Variants in C19orf33 observed in about 807,000 individuals in gnomAD.
C19orf33 encodes the protein immortalization up-regulated protein.
In C19orf33, 9 loss-of-function variants were observed where a neutral mutation model predicts 9.7. The ratio of observed to expected loss-of-function variants is 0.93; its 90% CI spans 0.56 to 1.61. The LOEUF (loss-of-function observed/expected upper bound fraction) is 1.61. Among genes scored for constraint, C19orf33 ranks in the 40% most tolerant of loss-of-function variants. The pLI is 0.00. For missense variants in C19orf33, 145 were observed against 137.9 expected (o/e 1.05, Z -0.26); for synonymous variants, 61 against 54.8 (o/e 1.11, Z -0.50).
In C19orf33 at chr19:38,304,703, A is replaced by G. The variant is rs762895096; in HGVS notation, c.201+17A>G. ...GATGTGAAGGTAAGGGGCTCTCGCC[A>G]GCGTCCCCAAGCACGTGCCCTGCAC... On this transcript the variant is annotated intron_variant, in intron 3 of 3. Transcript: ENST00000301246. 6.2e-7 allele frequency: 1 copy of G among 1,613,472 alleles called. No homozygotes were observed. The highest frequency in any genetic ancestry group is 8.5e-7 in the Non-Finnish European group (1 of 1,179,962).
In C19orf33 at chr19:38,304,940, C is replaced by G. The variant is rs1568350802; in HGVS notation, c.297C>G (p.Gly99=). 1 of 1,610,810 alleles carries G rather than the reference C, an allele frequency of 6.2e-7. No individual in the cohort carries two copies. Reference sequence around the variant, plus strand: ...AGGAGAAGGGCAAGAAGGAGAAGGGCAAGAAGAAGGAGGCTCCCCACTGAA... The same window carrying G: ...AGGAGAAGGGCAAGAAGGAGAAGGGGAAGAAGAAGGAGGCTCCCCACTGAA... ...KKKEKGKKEK[G]KKKEAPH is the part of the protein sequence containing the mutation. Residue 99 remains glycine (G), a synonymous_variant, in exon 4 of 4, where the codon GGC becomes GGG. Coordinates refer to ENST00000301246, the MANE Select transcript of C19orf33 (RefSeq NM_033520.3).
At position 38,304,409 on chromosome 19, in the gene C19orf33, G is replaced by C; in HGVS notation, c.57G>C (p.Gly19=). The change falls in exon 2 of 4, where the codon GGG becomes GGC. Residue 19 remains glycine (G), a synonymous_variant. Transcript: ENST00000301246. ...CCACCTCCCAGAAGCCCGGTGTGGG[G>C]GCGGGCCACGGGGGAGATCCCAAGC... The part of the protein sequence containing the change: ...LEPTSQKPGV[G]AGHGGDPKLS... 3 of 1,566,708 alleles carry C rather than the reference G, an allele frequency of 1.9e-6. No individual in the cohort carries two copies. Among genetic ancestry groups the C allele is most frequent in the Non-Finnish European group, 2.6e-6 (3 of 1,156,306 alleles).
intron 2 of C19orf33, 25 bp downstream of exon 2, chr19:38,304,515 G>A (rs1413318387): frequency 3.2e-6 from 5 of 1,562,684 alleles, no homozygotes; most frequent in East Asian, 2.4e-5. Flanking sequence ...CACCGGCTGC[G>A]GAGGGGCGGG....
At chr19:38,304,596 G>T in intron 2 of C19orf33, 28 bp from the exon 3 acceptor site, 2 of 1,612,696 alleles carry the variant, frequency 1.2e-6, no homozygotes, top group Non-Finnish European at 1.7e-6. Context: ...GGTAAGGGGC[G>T]CCGCCTCACT....
In C19orf33 at chr19:38,304,658, G is replaced by A. The variant is rs779533389; in HGVS notation, c.173G>A (p.Ser58Asn). 1 of 1,613,708 alleles carries A rather than the reference G, an allele frequency of 6.2e-7. No individual in the cohort carries two copies. Among genetic ancestry groups the A allele is most frequent in the Admixed American group, 1.7e-5 (1 of 60,032 alleles). ...CACAGCTCTTCCGACTCCAGCAGCA[G>A]CTCCAGCGATTCGGACACGGATGTG... ...GHHSSSDSSS[S>N]SSDSDTDVKS... is the part of the protein sequence containing the mutation. The change falls in exon 3 of 4, where the codon AGC (serine) becomes AAC (asparagine). Residue 58 changes from serine (S) to asparagine (N), a missense_variant. By Grantham distance (46) the Ser-to-Asn change is conservative (BLOSUM62 1). Coordinates refer to ENST00000301246, the MANE Select transcript of C19orf33 (RefSeq NM_033520.3).
intron 3 of C19orf33, 45 bp downstream of exon 3, chr19:38,304,731 CAG>C (rs1968913870): frequency 6.2e-7 from 1 of 1,612,978 alleles, no homozygotes; most frequent in South Asian, 1.1e-5. Flanking sequence ...CCCTGCACCC[CAG>C]AGAGGCGTCC....
At position 38,304,436 on chromosome 19, in the gene C19orf33, C is replaced by T. The variant is rs1232052769; in HGVS notation, c.84C>T (p.Leu28=). Residue 28 remains leucine (L), a synonymous_variant, in exon 2 of 4, where the codon CTC becomes CTT. Coordinates refer to ENST00000301246, the MANE Select transcript of C19orf33 (RefSeq NM_033520.3). ...VGAGHGGDPK[L]SPHKVQGRSE... ...CGGGCCACGGGGGAGATCCCAAGCT[C>T]AGTCCCCACAAAGTTCAGGGCCGGT... The T allele has an allele frequency of 4.5e-6, 7 of 1,559,704 alleles. No homozygotes were observed. In the East Asian group the frequency reaches 1.2e-4, roughly 27 times the overall value.
At chr19:38,304,760 G>C in intron 3 of C19orf33, 74 bp downstream of exon 3, 1 of 1,611,884 alleles carries the variant, frequency 6.2e-7, no homozygotes. Flanking sequence ...TGGGGCTGGC[G>C]GGGAGGGTGC....
In C19orf33 at chr19:38,304,685, A is replaced by G; in HGVS notation, c.200A>G (p.Lys67Arg). Residue 67 changes from lysine (K) to arginine (R), a missense_variant and splice_region_variant, in exon 3 of 4, where the codon AAG becomes AGG. By Grantham distance (26) the Lys-to-Arg change is conservative. Transcript: ENST00000301246. ...SSSSDSDTDV[K>R]SHAAGSKQHE... ...TCCAGCGATTCGGACACGGATGTGA[A>G]GGTAAGGGGCTCTCGCCAGCGTCCC... The G allele has an allele frequency of 6.2e-7, 1 of 1,613,634 alleles. No homozygotes were observed. Among genetic ancestry groups the G allele is most frequent in the East Asian group, 2.2e-5 (1 of 44,860 alleles).
chr19:38,304,713 AG>A, intron 3 of C19orf33, 27 bp downstream of exon 3: 1 of 1,613,558 alleles, frequency 6.2e-7, no homozygotes, highest in East Asian at 2.2e-5. Context: ...AGCGTCCCCA[AG>A]CACGTGCCCT....
At position 38,304,381 on chromosome 19, in the gene C19orf33, A is replaced by G; in HGVS notation, c.29A>G (p.Glu10Gly). 6.9e-6 allele frequency: 11 copies of G among 1,585,148 alleles called. No individual in the cohort carries two copies. The highest frequency in any genetic ancestry group is 9.4e-6 in the Non-Finnish European group (11 of 1,166,656). MEFDLGAAL[E>G]PTSQKPGVGA... Reference sequence around the variant, plus strand: ...ACCCAACTTCTCTCCACAGCCCTGGAGCCCACCTCCCAGAAGCCCGGTGTG... The same window carrying G: ...ACCCAACTTCTCTCCACAGCCCTGGGGCCCACCTCCCAGAAGCCCGGTGTG... Residue 10 changes from glutamate to glycine, a missense_variant, in exon 2 of 4, where the codon GAG becomes GGG. Physicochemically the swap from Glu to Gly is moderately conservative, Grantham distance 98. Transcript: ENST00000301246.
In C19orf33 at chr19:38,304,907, G is replaced by A. The variant is rs1239019301; in HGVS notation, c.264G>A (p.Val88=). The A allele has an allele frequency of 8.7e-7, 1 of 1,150,070 alleles. No individual in the cohort carries two copies. Among genetic ancestry groups the A allele is most frequent in the Non-Finnish European group, 1.2e-6 (1 of 851,834 alleles). The allele number at this position is 1,150,070 out of a possible 1,614,324, so 71.2% of individuals were successfully genotyped here. The change falls in exon 4 of 4, where the codon GTG becomes GTA. Residue 88 remains valine (V), a synonymous_variant. Transcript: ENST00000301246. ...SIPGKAKKPK[V]KKKEKGKKEK... ...CGGGCAAGGCCAAGAAGCCCAAAGT[G>A]AAGAAGAAGGAGAAGGGCAAGAAGG... is the stretch of plus-strand genomic sequence containing the variant.
At position 38,304,502 on chromosome 19, in the gene C19orf33, C is replaced by A; in HGVS notation, c.138+12C>A. 1.3e-6 allele frequency: 2 copies of A among 1,559,870 alleles called. No individual in the cohort carries two copies. Among genetic ancestry groups the A allele is most frequent in the South Asian group, 1.2e-5 (1 of 85,628 alleles). On this transcript the variant is annotated intron_variant, in intron 2 of 3. Coordinates refer to ENST00000301246, the MANE Select transcript of C19orf33 (RefSeq NM_033520.3). The stretch of plus-strand genomic sequence containing the variant: ...GTCCGGGTCCAAAGGTAAGTCGCCT[C>A]ATCACCGGCTGCGGAGGGGCGGGAA...
intron 2 of C19orf33, 57 bp from the exon 3 acceptor site, chr19:38,304,567 C>T (rs746717539): frequency 1.9e-6 from 3 of 1,607,896 alleles, no homozygotes; most frequent in Non-Finnish European, 2.5e-6. Context: ...TGCCTTAGGC[C>T]TCCAACTTCA....
chr19:38,304,733 G>A (rs754403809), intron 3 of C19orf33, 47 bp downstream of exon 3: 31 of 1,613,190 alleles, frequency 1.9e-5, no homozygotes, highest in Non-Finnish European at 2.6e-5. Context: ...CTGCACCCCA[G>A]AGAGGCGTCC....
chr19:38,304,255 T>C lies in C19orf33; in HGVS notation c.-7T>C, dbSNP rs2304176. ...CTTGGCCTTAGGACCCAACTTCTCTTACCGCCATGGAGTTCGACCTGGGAG... is the reference window on the plus strand; with the variant it reads ...CTTGGCCTTAGGACCCAACTTCTCTCACCGCCATGGAGTTCGACCTGGGAG... On this transcript the variant is annotated 5_prime_UTR_variant, in exon 1 of 4. Transcript: ENST00000301246. The C allele has an allele frequency of 0.25, 407,880 of 1,613,102 alleles. 55,235 individuals are homozygous for C. Among genetic ancestry groups the C allele is most frequent in the East Asian group, 0.47 (21,248 of 44,844 alleles).
chr19:38,304,974 G>A lies in C19orf33; in HGVS notation c.*10G>A, dbSNP rs749596098. On this transcript the variant is annotated 3_prime_UTR_variant, in exon 4 of 4. Transcript: ENST00000301246. ...GGAGGCTCCCCACTGAAGGGCCCTG[G>A]ACAGGGCTCATTAAACCTTCCTCTC... 2 of 1,587,160 alleles carry A rather than the reference G, an allele frequency of 1.3e-6. No homozygotes were observed. Among genetic ancestry groups the A allele is most frequent in the East Asian group, 4.8e-5 (2 of 41,862 alleles).
rs7248001 is a variant in C19orf33, at chr19:38,304,871, C to T, written c.228C>T (p.His76=). ...CCCACGCTGCTGGCTCCAAGCAGCACGAGAGCATCCCGGGCAAGGCCAAGA... is the reference window on the plus strand; with the variant it reads ...CCCACGCTGCTGGCTCCAAGCAGCATGAGAGCATCCCGGGCAAGGCCAAGA... ...VKSHAAGSKQ[H]ESIPGKAKKP... The change falls in exon 4 of 4, where the codon CAC becomes CAT. Residue 76 remains histidine, a synonymous_variant. Transcript: ENST00000301246. 9.0e-4 allele frequency: 1,448 copies of T among 1,613,662 alleles called. 10 individuals carry two copies. In the African/African-American group the frequency reaches 0.017, roughly 19 times the overall value.
At chr19:38,304,588 T>C (rs748952784) in intron 2 of C19orf33, 36 bp from the exon 3 acceptor site, 4 of 1,611,988 alleles carry the variant, frequency 2.5e-6, no homozygotes, top group Non-Finnish European at 8.5e-7. Context: ...GGGGGCTGGG[T>C]AAGGGGCGCC....
Sources: gnomAD v4.1 joint callset for allele counts on GRCh38, gnomAD v4.1.1 for gene constraint, MANE v1.5 for transcripts, NCBI Gene and HGNC (gene_info 2026-07-23, HGNC 2026-07-21) for gene names.